The following RNF13 variants were observed in gnomAD, a reference collection of about 807,000 sequenced individuals.
The protein encoded by RNF13 is E3 ubiquitin-protein ligase RNF13.
RNF13 carries 19 observed loss-of-function variants against 37.7 expected under a neutral mutation model. The ratio of observed to expected loss-of-function variants is 0.50; its 90% CI spans 0.35 to 0.74. The LOEUF (loss-of-function observed/expected upper bound fraction) is 0.74, where lower values mean the gene tolerates loss of function less well. RNF13 is among the 30% of genes least tolerant of loss of function. The pLI is 0.01. For missense variants in RNF13, 375 were observed against 453.0 expected (o/e 0.83, Z 1.56); for synonymous variants, 144 against 157.8 (o/e 0.91, Z 0.65).
intron 8 of RNF13, among the ~76,000 whole-genome samples, chr3:149,937,208 C>T (rs1284920282): frequency 6.6e-6 from 1 of 152,132 alleles, no homozygotes; most frequent in African/African-American, 2.4e-5. Context: ...TTTCTCCCAA[C>T]AGGCACTAGC....
At chr3:149,840,506 A>G (rs1043650507) in intron 1 of RNF13, among the ~76,000 whole-genome samples, 3 of 152,116 alleles carry the variant, frequency 2.0e-5, no homozygotes, top group Non-Finnish European at 2.9e-5. Flanking sequence ...ATTTTTTTCT[A>G]TGTTTTCTCT....
chr3:149,821,782 A>ATATTTTTATATTTTATATATATATATAAG (rs1720018591), intron 1 of RNF13, among the ~76,000 whole-genome samples: 1 of 151,992 alleles, frequency 6.6e-6, no homozygotes, highest in Admixed American at 6.6e-5. Context: ...GAGTTTTATA[A>ATATTTTTATATTTTATATATATATATAAG]TTTTACTCCT....
At chr3:149,926,104 T>A (rs1718617846) in intron 8 of RNF13, among the ~76,000 whole-genome samples, 1 of 152,228 alleles carries the variant, frequency 6.6e-6, no homozygotes, top group Non-Finnish European at 1.5e-5. Flanking sequence ...GCGTAGAGTA[T>A]GGCAATTTAG....
chr3:149,831,693 G>T (rs1422252351), intron 1 of RNF13, among the ~76,000 whole-genome samples: 1 of 152,170 alleles, frequency 6.6e-6, no homozygotes, highest in Non-Finnish European at 1.5e-5. Context: ...GGGACTGTTG[G>T]GAAGGCATGA....
chr3:149,868,633 TC>T (rs1297791483), intron 3 of RNF13, among the ~76,000 whole-genome samples: 1 of 151,174 alleles, frequency 6.6e-6, no homozygotes, highest in Non-Finnish European at 1.5e-5. Flanking sequence ...TTCTGTTCTT[TC>T]CTTTCTTTCT....
At chr3:149,957,110 A>G (rs757370437) in intron 8 of RNF13, among the ~76,000 whole-genome samples, 1 of 152,212 alleles carries the variant, frequency 6.6e-6, no homozygotes, top group Non-Finnish European at 1.5e-5. Flanking sequence ...CTTATAAATC[A>G]TAAAAATAGA....
chr3:149,857,375 T>C (rs1487244509), intron 3 of RNF13, among the ~76,000 whole-genome samples: 1 of 152,196 alleles, frequency 6.6e-6, no homozygotes, highest in African/African-American at 2.4e-5. Flanking sequence ...TGTAAATCTT[T>C]TCATGGATTA....
chr3:149,946,628 C>G (rs1720792664), intron 8 of RNF13, among the ~76,000 whole-genome samples: 1 of 152,040 alleles, frequency 6.6e-6, no homozygotes, highest in Non-Finnish European at 1.5e-5. Context: ...CCTCATAATT[C>G]TTTTTATTTC....
chr3:149,947,242 G>C (rs1166872733), intron 8 of RNF13, among the ~76,000 whole-genome samples: 1 of 152,048 alleles, frequency 6.6e-6, no homozygotes, highest in Non-Finnish European at 1.5e-5. Flanking sequence ...CTGTTGTTGG[G>C]TGAAGTGTTC....
At chr3:149,958,841 G>A (rs1455734156) in intron 8 of RNF13, among the ~76,000 whole-genome samples, 2 of 152,156 alleles carry the variant, frequency 1.3e-5, no homozygotes, top group East Asian at 3.8e-4. Flanking sequence ...ATTTGTTACA[G>A]AATGTAATTT....
At chr3:149,897,321 A>G (rs573476010) in intron 5 of RNF13, among the ~76,000 whole-genome samples, 2 of 152,322 alleles carry the variant, frequency 1.3e-5, no homozygotes, top group East Asian at 3.9e-4. Context: ...AGGGCTGAAT[A>G]TGTTTTGGAT....
intron 4 of RNF13, among the ~76,000 whole-genome samples, chr3:149,877,093 T>C (rs1284596317): frequency 6.6e-6 from 1 of 152,188 alleles, no homozygotes; most frequent in African/African-American, 2.4e-5. Context: ...ATCTTTTATA[T>C]ACTATTTAAT....
chr3:149,895,851 A>G (rs16862289), intron 5 of RNF13, among the ~76,000 whole-genome samples: 1,838 of 152,288 alleles, frequency 0.012, 31 homozygotes, highest in African/African-American at 0.041. Flanking sequence ...TAAGAATGCC[A>G]TAGAGGGTGT....
intron 4 of RNF13, among the ~76,000 whole-genome samples, chr3:149,876,772 T>C (rs1178006000): frequency 3.4e-5 from 4 of 118,860 alleles, no homozygotes; most frequent in Non-Finnish European, 6.8e-5. Context: ...TCATCATATC[T>C]TTTTTTTTTT....
chr3:149,920,334 C>A (rs1487139415), intron 7 of RNF13, among the ~76,000 whole-genome samples: 16 of 152,088 alleles, frequency 1.1e-4, no homozygotes, highest in Admixed American at 1.0e-3. Flanking sequence ...ATCCTGGGCT[C>A]AAATGATTCT....
At chr3:149,846,621 A>G (rs183987867) in intron 2 of RNF13, among the ~76,000 whole-genome samples, 3 of 152,020 alleles carry the variant, frequency 2.0e-5, no homozygotes, top group African/African-American at 7.2e-5. Flanking sequence ...TTCATTTTCT[A>G]TTGCTTCATA....
intron 4 of RNF13, among the ~76,000 whole-genome samples, chr3:149,890,539 C>T (rs1459265312): frequency 6.6e-6 from 1 of 152,062 alleles, no homozygotes; most frequent in Non-Finnish European, 1.5e-5. Flanking sequence ...TCAGATTAAA[C>T]AATAATAAAT....
At chr3:149,943,151 G>C (rs578214699) in intron 8 of RNF13, among the ~76,000 whole-genome samples, 5 of 149,428 alleles carry the variant, frequency 3.3e-5, no homozygotes, top group African/African-American at 1.2e-4. Context: ...TTCTTTTTTT[G>C]TATCTGTCTC....
At chr3:149,948,027 G>A (rs1249041780) in intron 8 of RNF13, among the ~76,000 whole-genome samples, 1 of 152,120 alleles carries the variant, frequency 6.6e-6, no homozygotes, top group Non-Finnish European at 1.5e-5. Context: ...TCGGCTCACT[G>A]TAACCTCCAC....
Sources: allele counts gnomAD v4.1 joint callset (sites outside exome capture counted in the v4.1 genomes callset), GRCh38; gene constraint gnomAD v4.1.1; transcripts MANE v1.5; gene names NCBI Gene and HGNC (gene_info 2026-07-23, HGNC 2026-07-21).